The following COMMD1 variants were observed in gnomAD, a reference collection of about 807,000 sequenced individuals.
The protein encoded by COMMD1 is copper metabolism domain containing 1, also known as COMM domain-containing protein 1.
In COMMD1, 10 loss-of-function variants were observed where a neutral mutation model predicts 17.2. The ratio of observed to expected loss-of-function variants is 0.58; its 90% CI spans 0.36 to 0.99. COMMD1 has a LOEUF of 0.99. Among genes scored for constraint, COMMD1 ranks in the 50% least tolerant of loss-of-function variants. The pLI is 0.01. For missense variants in COMMD1, 270 were observed against 231.8 expected, an observed-to-expected ratio of 1.17 and a Z score of -1.07; for synonymous variants, 97 against 91.6, an observed-to-expected ratio of 1.06 and a Z score of -0.34.
chr2:61,951,368 G>A (rs1203396787), intron 1 of COMMD1, among the ~76,000 whole-genome samples: 1 of 151,502 alleles, frequency 6.6e-6, no homozygotes, highest in Non-Finnish European at 1.5e-5. Flanking sequence ...GCTGAGGTAC[G>A]AGAATCACTT....
intron 1 of COMMD1, among the ~76,000 whole-genome samples, chr2:61,936,358 T>A (rs1399165707): frequency 6.6e-6 from 1 of 152,182 alleles, no homozygotes; most frequent in African/African-American, 2.4e-5. Context: ...TGTAGCTGAT[T>A]GTGAGCCTTC....
At chr2:62,132,856 T>G (rs57865381) in intron 2 of COMMD1, among the ~76,000 whole-genome samples, 7,582 of 151,256 alleles carry the variant, frequency 0.05, 648 homozygotes, top group African/African-American at 0.17. Context: ...AAAAAAAAAT[T>G]GTTTTAAAGT....
At chr2:62,054,144 A>G (rs190629623) in intron 2 of COMMD1, among the ~76,000 whole-genome samples, 1 of 152,356 alleles carries the variant, frequency 6.6e-6, no homozygotes, top group East Asian at 1.9e-4. Context: ...AATCGAAACC[A>G]CAATGAGATA....
rs146091767 is a variant in COMMD1, at chr2:61,949,395, C to T, written c.180+43537C>T. 3.3e-3 allele frequency among the ~76,000 whole-genome samples: 508 copies of T among 152,222 alleles called. 2 individuals carry two copies. Among genetic ancestry groups the T allele is most frequent in the Non-Finnish European group, 4.9e-3 (330 of 68,010 alleles). ...ACTGGGAAGAAGAGTTCCAGCCCAA[C>T]GAGTTCCTTCCAAACAAAGAAGCCT... On this transcript the variant is annotated intron_variant, in intron 1 of 2. Transcript: ENST00000311832.
At chr2:62,037,415 C>G (rs773139290) in intron 2 of COMMD1, among the ~76,000 whole-genome samples, 3 of 152,148 alleles carry the variant, frequency 2.0e-5, no homozygotes, top group Non-Finnish European at 4.4e-5. Context: ...AATTAGTAAA[C>G]TCTATGTGGC....
intron 1 of COMMD1, among the ~76,000 whole-genome samples, chr2:61,950,668 T>G (rs996734689): frequency 3.3e-5 from 5 of 152,218 alleles, no homozygotes; most frequent in Non-Finnish European, 5.9e-5. Context: ...GGAACATAAC[T>G]AAGTAAAACA....
intron 2 of COMMD1, among the ~76,000 whole-genome samples, chr2:62,024,383 TTG>T (rs975333450): frequency 6.6e-6 from 1 of 151,984 alleles, no homozygotes. Context: ...TGCTGGCTAA[TTG>T]TGTGTGTGTG....
At chr2:61,939,728 A>G (rs981296904) in intron 1 of COMMD1, among the ~76,000 whole-genome samples, 1 of 151,680 alleles carries the variant, frequency 6.6e-6, no homozygotes, top group Non-Finnish European at 1.5e-5. Context: ...GCTCTAAACT[A>G]TAAATAACTA....
intron 1 of COMMD1, among the ~76,000 whole-genome samples, chr2:61,911,203 G>C (rs541788460): frequency 6.6e-6 from 1 of 150,430 alleles, no homozygotes; most frequent in Non-Finnish European, 1.5e-5. Context: ...GCTGGGCTCA[G>C]TGGCTCACGC....
chr2:61,908,458 C>G (rs1317575248), intron 1 of COMMD1, among the ~76,000 whole-genome samples: 2 of 151,756 alleles, frequency 1.3e-5, no homozygotes, highest in Non-Finnish European at 2.9e-5. Flanking sequence ...ATCTCTTGAC[C>G]TCATGATCTG....
chr2:61,963,987 G>A (rs1671440322), intron 1 of COMMD1, among the ~76,000 whole-genome samples: 1 of 152,190 alleles, frequency 6.6e-6, no homozygotes, highest in African/African-American at 2.4e-5. Context: ...GCTGGGCCAA[G>A]TAAGCCGATT....
At chr2:62,012,270 T>TACACAC (rs57739132) in intron 2 of COMMD1, among the ~76,000 whole-genome samples, 3,342 of 129,874 alleles carry the variant, frequency 0.026, 62 homozygotes, top group African/African-American at 0.044. Flanking sequence ...CACACACACA[T>TACACAC]ACACACACAC....
chr2:62,008,969 A>C (rs944308089), intron 2 of COMMD1, among the ~76,000 whole-genome samples: 7 of 152,066 alleles, frequency 4.6e-5, no homozygotes, highest in South Asian at 2.1e-4. Context: ...TTTTTAGTAG[A>C]GACAGCATTT....
intron 2 of COMMD1, among the ~76,000 whole-genome samples, chr2:62,054,919 G>T (rs747569778): frequency 2.6e-4 from 39 of 152,330 alleles, no homozygotes; most frequent in Admixed American, 8.5e-4. Flanking sequence ...AACTGTGCAT[G>T]CAAGGGATCT....
chr2:62,109,464 C>T (rs950561171), intron 2 of COMMD1, among the ~76,000 whole-genome samples: 10 of 152,158 alleles, frequency 6.6e-5, no homozygotes, highest in South Asian at 6.2e-4. Context: ...TTATAGTTAG[C>T]GTTTGTCCAA....
chr2:62,113,115 G>GTCCCCCTACTT (rs1672498326), intron 2 of COMMD1, among the ~76,000 whole-genome samples: 1 of 152,070 alleles, frequency 6.6e-6, no homozygotes. Context: ...GGAGGCAGAG[G>GTCCCCCTACTT]TGGGAGGTCG....
Position 62,007,504 on chromosome 2 carries a change from G to T in COMMD1, c.462+6522G>T, listed in dbSNP as rs1381739322. Among the ~76,000 whole-genome samples the T allele has an allele frequency of 4.1e-4, 63 of 152,192 alleles. 1 individual carries two copies. Among genetic ancestry groups the T allele is most frequent in the Admixed American group, 4.1e-3 (63 of 15,272 alleles). On this transcript the variant is annotated intron_variant, in intron 2 of 2. Transcript: ENST00000311832. ...TCTGCATAATGACATTTCAGTCACT[G>T]ATGGATCACATATACGATAGTTGTC...
chr2:62,086,452 A>G (rs1671671316), intron 2 of COMMD1, among the ~76,000 whole-genome samples: 1 of 151,584 alleles, frequency 6.6e-6, no homozygotes, highest in South Asian at 2.1e-4. Context: ...CGGAGCTTGC[A>G]GTGAGCAGAG....
At chr2:62,123,495 A>G (rs933978045) in intron 2 of COMMD1, among the ~76,000 whole-genome samples, 1 of 144,352 alleles carries the variant, frequency 6.9e-6, no homozygotes, top group African/African-American at 2.6e-5. Context: ...ACAAAGCAAG[A>G]CATGTGAAAA....
Sources: allele counts gnomAD v4.1 joint callset (sites outside exome capture counted in the v4.1 genomes callset), GRCh38; gene constraint gnomAD v4.1.1; transcripts MANE v1.5; gene names NCBI Gene and HGNC (gene_info 2026-07-23, HGNC 2026-07-21).